NHLRC2: variants seen among roughly 807,000 people sequenced by gnomAD.
NHLRC2 encodes the protein NHL repeat containing 2, also known as NHL repeat-containing protein 2.
NHLRC2 carries 33 observed loss-of-function variants against 68.1 expected under a neutral mutation model. That is an observed-to-expected ratio of 0.48 (90% CI 0.37 to 0.65). NHLRC2 has a LOEUF of 0.65. NHLRC2 is among the 30% of genes least tolerant of loss of function. The probability of loss-of-function intolerance (pLI) is 0.00; values close to 1 mark genes in which losing one functional copy is unlikely to be tolerated. For missense variants in NHLRC2, 761 were observed against 853.8 expected (o/e 0.89, Z 1.35); for synonymous variants, 311 against 309.6 (o/e 1.00, Z -0.05).
At chr10:113,901,009 A>G (rs1175290016) in intron 6 of NHLRC2, among the ~76,000 whole-genome samples, 3 of 152,214 alleles carry the variant, frequency 2.0e-5, no homozygotes, top group African/African-American at 7.2e-5. Context: ...TACAAAAGGA[A>G]TCATTGCAAT....
chr10:113,906,629 T>G (rs1429460846), intron 10 of NHLRC2, among the ~76,000 whole-genome samples: 1 of 152,102 alleles, frequency 6.6e-6, no homozygotes, highest in Admixed American at 6.5e-5. Flanking sequence ...TAAAGAAACA[T>G]TTTCTGTTTT....
chr10:113,871,275 C>T lies in NHLRC2; in HGVS notation c.332-5246C>T, dbSNP rs535724531. Among the ~76,000 whole-genome samples the T allele has an allele frequency of 7.2e-5, 11 of 152,200 alleles. No individual in the cohort carries two copies. In the East Asian group the frequency reaches 1.5e-3, roughly 21 times the overall value. On this transcript the variant is annotated intron_variant, in intron 2 of 10. Coordinates refer to ENST00000369301, the MANE Select transcript of NHLRC2 (RefSeq NM_198514.4). ...CCGACCTCAGGTGATCAGCCAGCCT[C>T]GGCCTCCCAAAGTGTTGGGATTACA...
At chr10:113,870,212 CATTTT>C (rs1290278894) in intron 2 of NHLRC2, among the ~76,000 whole-genome samples, 2 of 152,096 alleles carry the variant, frequency 1.3e-5, no homozygotes, top group Admixed American at 6.6e-5. Context: ...ATTTGTATTT[CATTTT>C]AAGTCCCCCC....
At chr10:113,876,456 G>T in intron 2 of NHLRC2, 65 bp from the exon 3 acceptor site, 1 of 904,490 alleles carries the variant, frequency 1.1e-6, no homozygotes, top group Non-Finnish European at 1.7e-6. Context: ...AAAACCTAAT[G>T]TGTAGATGAT....
At position 113,859,961 on chromosome 10, in the gene NHLRC2, G is replaced by A. The variant is rs60280390; in HGVS notation, c.331+1281G>A. Among the ~76,000 whole-genome samples, 885 of 152,282 alleles carry A rather than the reference G, an allele frequency of 5.8e-3. 9 individuals are homozygous for A. Among genetic ancestry groups the A allele is most frequent in the African/African-American group, 0.019 (804 of 41,568 alleles). On this transcript the variant is annotated intron_variant, in intron 2 of 10. Coordinates refer to ENST00000369301, the MANE Select transcript of NHLRC2 (RefSeq NM_198514.4). ...GGCTGAGGAAGCTTCAGGTAAACAA[G>A]CATGGAATCACAGAGGAGTAGGATT... is the stretch of plus-strand genomic sequence containing the variant.
intron 5 of NHLRC2, among the ~76,000 whole-genome samples, chr10:113,888,174 G>T (rs1042030284): frequency 6.6e-6 from 1 of 152,184 alleles, no homozygotes; most frequent in Non-Finnish European, 1.5e-5. Context: ...GAAGGTATGG[G>T]GAAAGGGAAG....
At chr10:113,865,184 C>T (rs1040435645) in intron 2 of NHLRC2, among the ~76,000 whole-genome samples, 2 of 151,802 alleles carry the variant, frequency 1.3e-5, no homozygotes, top group Admixed American at 6.6e-5. Context: ...CTTCTGACCT[C>T]GTGATACGCC....
rs1425674152 is a variant in NHLRC2 at position 113,855,020 on chromosome 10, C to T, written c.148C>T (p.Gln50Ter). 2.6e-6 allele frequency: 4 copies of T among 1,552,948 alleles called. No homozygotes were observed. Among genetic ancestry groups the T allele is most frequent in the Non-Finnish European group, 8.7e-7 (1 of 1,147,620 alleles). Reference sequence around the variant, plus strand: ...TCTGCAGAAGGTGGACGGCTGGGAGCAGGACTTGTCAGTACCCGAGTTTCC... The same window carrying T: ...TCTGCAGAAGGTGGACGGCTGGGAGTAGGACTTGTCAGTACCCGAGTTTCC... ...QYLQKVDGWE[Q>*]DLSVPEFPEG... Residue 50 changes from glutamine (Q) to a stop codon, truncating the protein, a stop_gained, in exon 1 of 11, where the codon CAG becomes TAG. Coordinates refer to ENST00000369301, the MANE Select transcript of NHLRC2 (RefSeq NM_198514.4). LOFTEE classifies it high-confidence loss of function.
chr10:113,885,055 A>G (rs1444420951), intron 5 of NHLRC2, among the ~76,000 whole-genome samples: 1 of 151,854 alleles, frequency 6.6e-6, no homozygotes, highest in Non-Finnish European at 1.5e-5. Context: ...TGAGTAAACA[A>G]AGTTAGAATA....
chr10:113,880,239 C>T (rs1372980230), intron 4 of NHLRC2, among the ~76,000 whole-genome samples: 1 of 151,780 alleles, frequency 6.6e-6, no homozygotes, highest in East Asian at 1.9e-4. Flanking sequence ...AAGTGTGTGT[C>T]TTTTTGGAAA....
intron 5 of NHLRC2, among the ~76,000 whole-genome samples, chr10:113,884,766 A>G (rs1045206865): frequency 1.3e-5 from 2 of 151,500 alleles, no homozygotes; most frequent in Admixed American, 6.6e-5. Flanking sequence ...TAAATAAGGA[A>G]CTTATAGTGT....
At chr10:113,871,126 G>A (rs1404041973) in intron 2 of NHLRC2, among the ~76,000 whole-genome samples, 1 of 145,612 alleles carries the variant, frequency 6.9e-6, no homozygotes, top group Non-Finnish European at 1.5e-5. Context: ...TCAGGTTCAA[G>A]CAATTCTCCT....
At chr10:113,897,027 G>T (rs1482919717) in intron 5 of NHLRC2, among the ~76,000 whole-genome samples, 1 of 151,652 alleles carries the variant, frequency 6.6e-6, no homozygotes, top group East Asian at 1.9e-4. Flanking sequence ...ACCAATAAAT[G>T]CTTTGAAATA....
chr10:113,855,078 C>CCCTCCCGGCA (rs765507214), intron 1 of NHLRC2, 28 bp downstream of exon 1: 124 of 1,541,078 alleles, frequency 8.0e-5, no homozygotes, highest in African/African-American at 3.7e-4. Flanking sequence ...GGGTGGGGGC[C>CCCTCCCGGCA]CCTCCCGGCA....
chr10:113,857,286 T>A (rs751834531), intron 1 of NHLRC2, among the ~76,000 whole-genome samples: 3 of 152,108 alleles, frequency 2.0e-5, no homozygotes, highest in African/African-American at 4.8e-5. Context: ...TAATAAATAT[T>A]TTGCAAGTAG....
In NHLRC2 at chr10:113,898,138, A is replaced by T; in HGVS notation, c.1068A>T (p.Leu356Phe). ...CAGAGGTCCAAAGAGGTGACATTTT[A>T]TGGATAGCCATGGCAGGGACTCATC... ...SGSEVQRGDI[L>F]WIAMAGTHQI... Residue 356 changes from leucine (L) to phenylalanine (F), a missense_variant, in exon 6 of 11, where the codon TTA becomes TTT. Coordinates refer to ENST00000369301, the MANE Select transcript of NHLRC2 (RefSeq NM_198514.4). 6.8e-6 allele frequency: 11 copies of T among 1,612,262 alleles called. No individual in the cohort carries two copies. Among genetic ancestry groups the T allele is most frequent in the African/African-American group, 1.3e-5 (1 of 75,032 alleles).
intron 5 of NHLRC2, among the ~76,000 whole-genome samples, chr10:113,891,581 T>C (rs1294699367): frequency 3.3e-5 from 5 of 152,186 alleles, no homozygotes; most frequent in Non-Finnish European, 7.4e-5. Context: ...GCTGGGCAGT[T>C]GTTGCCTTCT....
chr10:113,899,550 A>T (rs375877550), intron 6 of NHLRC2, among the ~76,000 whole-genome samples: 2 of 152,226 alleles, frequency 1.3e-5, no homozygotes, highest in African/African-American at 4.8e-5. Flanking sequence ...TGTGGTTGTC[A>T]TCAGTGAACT....
At chr10:113,903,170 T>A (rs1846242903) in intron 8 of NHLRC2, among the ~76,000 whole-genome samples, 1 of 152,150 alleles carries the variant, frequency 6.6e-6, no homozygotes, top group Non-Finnish European at 1.5e-5. Context: ...TGCTAGATGC[T>A]CAGGAAGACA....
Sources: gnomAD v4.1 joint callset for allele counts (sites outside exome capture counted in the v4.1 genomes callset) on GRCh38, gnomAD v4.1.1 for gene constraint, MANE v1.5 for transcripts, NCBI Gene and HGNC (gene_info 2026-07-23, HGNC 2026-07-21) for gene names.